ZMAT4: variants seen among roughly 807,000 people sequenced by gnomAD.
ZMAT4 encodes zinc finger matrin-type protein 4.
Under a neutral mutation model 28.7 loss-of-function variants are expected in ZMAT4, and 17 were observed. That is an observed-to-expected ratio of 0.59 (90% CI 0.41 to 0.89). The LOEUF (loss-of-function observed/expected upper bound fraction) is 0.89, where lower values mean the gene tolerates loss of function less well. ZMAT4 is among the 40% of genes least tolerant of loss of function. The pLI is 0.00. For missense variants in ZMAT4, 240 were observed against 283.8 expected (o/e 0.85, Z 1.11); for synonymous variants, 117 against 109.2 (o/e 1.07, Z -0.44).
At chr8:40,867,821 T>C (rs191735702) in intron 1 of ZMAT4, among the ~76,000 whole-genome samples, 74 of 152,312 alleles carry the variant, frequency 4.9e-4, no homozygotes, top group Middle Eastern at 3.4e-3. Flanking sequence ...CCACTCTGCA[T>C]TTATTATCTT....
At chr8:40,823,740 T>C (rs1815919585) in intron 2 of ZMAT4, among the ~76,000 whole-genome samples, 1 of 152,120 alleles carries the variant, frequency 6.6e-6, no homozygotes, top group South Asian at 2.1e-4. Flanking sequence ...TATGAAGCCA[T>C]AGCCACAGAA....
intron 1 of ZMAT4, among the ~76,000 whole-genome samples, chr8:40,852,523 A>G (rs747389008): frequency 2.1e-4 from 32 of 152,222 alleles, no homozygotes; most frequent in Non-Finnish European, 4.0e-4. Context: ...ACACAGATAT[A>G]TAGTTGGAAA....
rs111412091 is a variant in ZMAT4, at chr8:40,545,204, C to G, written c.675-12966G>C. Among the ~76,000 whole-genome samples the G allele has an allele frequency of 6.0e-3, 919 of 152,088 alleles. 6 individuals are homozygous for G. Among genetic ancestry groups the G allele is most frequent in the African/African-American group, 0.013 (539 of 41,500 alleles). On this transcript the variant is annotated intron_variant, in intron 6 of 6. Transcript: ENST00000297737. ...GAGTGAGGTTGAGAGCAGACTCCCC[C>G]CTAGTTGAGCCTTAAGATGATGATG...
At chr8:40,615,754 T>A (rs1340139175) in intron 5 of ZMAT4, among the ~76,000 whole-genome samples, 1 of 152,246 alleles carries the variant, frequency 6.6e-6, no homozygotes, top group East Asian at 1.9e-4. Flanking sequence ...CAAGTAGTTC[T>A]CGTGCCATGG....
At chr8:40,541,374 G>A (rs1208951027) in intron 6 of ZMAT4, among the ~76,000 whole-genome samples, 1 of 152,042 alleles carries the variant, frequency 6.6e-6, no homozygotes, top group Non-Finnish European at 1.5e-5. Flanking sequence ...TAGAAGTGGG[G>A]GAATGTTAAT....
At chr8:40,603,523 T>C (rs2589887) in intron 5 of ZMAT4, among the ~76,000 whole-genome samples, 32,912 of 152,216 alleles carry the variant, frequency 0.22, 3,907 homozygotes, top group South Asian at 0.28. Flanking sequence ...GTCAGTAATG[T>C]CATTTTCACA....
chr8:40,678,395 A>C (rs1808998424), intron 4 of ZMAT4, among the ~76,000 whole-genome samples: 1 of 152,214 alleles, frequency 6.6e-6, no homozygotes, highest in Non-Finnish European at 1.5e-5. Flanking sequence ...CCCCATGAAG[A>C]AACTCAAGAG....
intron 2 of ZMAT4, among the ~76,000 whole-genome samples, chr8:40,790,212 A>T (rs1371349888): frequency 2.0e-5 from 3 of 152,240 alleles, no homozygotes; most frequent in Admixed American, 6.5e-5. Context: ...AAAATAAAGA[A>T]AAAAAACTGT....
chr8:40,562,368 C>A (rs12171660), intron 6 of ZMAT4, among the ~76,000 whole-genome samples: 8 of 152,228 alleles, frequency 5.3e-5, no homozygotes, highest in Middle Eastern at 3.4e-3. Context: ...TTCTAGGGAT[C>A]AGCAGGGGCC....
chr8:40,654,224 T>C (rs1807817132), intron 5 of ZMAT4, among the ~76,000 whole-genome samples: 1 of 152,280 alleles, frequency 6.6e-6, no homozygotes, highest in African/African-American at 2.4e-5. Context: ...CCTGCCATGC[T>C]GCTGAGCACC....
chr8:40,820,485 T>A (rs969184715), intron 2 of ZMAT4, among the ~76,000 whole-genome samples: 17 of 151,362 alleles, frequency 1.1e-4, no homozygotes, highest in Non-Finnish European at 1.0e-4. Flanking sequence ...TTTATGTGTA[T>A]GTGTGTATAT....
chr8:40,667,615 G>A (rs2118877372), intron 5 of ZMAT4, among the ~76,000 whole-genome samples: 1 of 152,244 alleles, frequency 6.6e-6, no homozygotes, highest in African/African-American at 2.4e-5. Flanking sequence ...AGGTTCTCAT[G>A]TGTTTTTCAT....
intron 3 of ZMAT4, among the ~76,000 whole-genome samples, chr8:40,761,631 T>C (rs1280160247): frequency 2.6e-5 from 4 of 152,236 alleles, no homozygotes; most frequent in Non-Finnish European, 5.9e-5. Flanking sequence ...AACTACCTGA[T>C]GAACTCCATA....
chr8:40,836,643 A>G (rs1816500329), intron 1 of ZMAT4, among the ~76,000 whole-genome samples: 1 of 152,228 alleles, frequency 6.6e-6, no homozygotes, highest in African/African-American at 2.4e-5. Context: ...CTTTTTATAA[A>G]GTCAAAAACA....
At chr8:40,594,987 A>G (rs1805039317) in intron 5 of ZMAT4, among the ~76,000 whole-genome samples, 2 of 152,250 alleles carry the variant, frequency 1.3e-5, no homozygotes, top group African/African-American at 2.4e-5. Context: ...AGTGGATCTC[A>G]ATATATTTTC....
intron 5 of ZMAT4, among the ~76,000 whole-genome samples, chr8:40,597,495 T>C (rs1413480522): frequency 6.6e-6 from 1 of 152,234 alleles, no homozygotes; most frequent in Non-Finnish European, 1.5e-5. Flanking sequence ...ATTCCTTGAA[T>C]GTCACCTTTG....
At chr8:40,569,812 T>C (rs1365086477) in intron 6 of ZMAT4, among the ~76,000 whole-genome samples, 1 of 152,116 alleles carries the variant, frequency 6.6e-6, no homozygotes, top group African/African-American at 2.4e-5. Context: ...GCAGGGTGGG[T>C]CAGCTTCTAG....
At chr8:40,536,421 C>A (rs192400857) in intron 6 of ZMAT4, among the ~76,000 whole-genome samples, 1 of 152,322 alleles carries the variant, frequency 6.6e-6, no homozygotes, top group African/African-American at 2.4e-5. Context: ...GTTGCAATGC[C>A]TCACTGGGTT....
At chr8:40,837,788 G>A (rs756379498) in intron 1 of ZMAT4, among the ~76,000 whole-genome samples, 4 of 152,184 alleles carry the variant, frequency 2.6e-5, no homozygotes, top group African/African-American at 7.2e-5. Flanking sequence ...GAGTATCATC[G>A]CAGGACAAGG....
Sources: gnomAD v4.1 joint callset for allele counts (sites outside exome capture counted in the v4.1 genomes callset) on GRCh38, gnomAD v4.1.1 for gene constraint, MANE v1.5 for transcripts, NCBI Gene and HGNC (gene_info 2026-07-23, HGNC 2026-07-21) for gene names.